The following RPRML variants were observed in gnomAD, a reference collection of about 807,000 sequenced individuals.
The protein encoded by RPRML is reprimo-like protein.
In RPRML, 4 loss-of-function variants were observed where a neutral mutation model predicts 5.2. That is an observed-to-expected ratio of 0.77 (90% confidence interval 0.38 to 1.76). RPRML has a LOEUF of 1.76. Among genes scored for constraint, RPRML ranks in the 40% most tolerant of loss-of-function variants. The probability of loss-of-function intolerance (pLI) is 0.04; values close to 1 mark genes in which losing one functional copy is unlikely to be tolerated. For synonymous variants in RPRML, 79 were observed against 89.1 expected (o/e 0.89, Z 0.64); for missense variants, 181 against 177.7 (o/e 1.02, Z -0.11).
chr17:46,979,094 C>T lies in RPRML; in HGVS notation c.-87G>A. 8.0e-7 allele frequency: 1 copy of T among 1,244,388 alleles called. No homozygotes were observed. Among genetic ancestry groups the T allele is most frequent in the East Asian group, 3.3e-5 (1 of 30,750 alleles). 77.1% of individuals were successfully genotyped at this position (1,244,388 alleles called of 1,614,324 possible). ...TCCGCGCTCTCAGGGACGCTCCGGA[C>T]CCCTCGGACCGGCTCCTGCGGTACG... On this transcript the variant is annotated 5_prime_UTR_variant, in exon 1 of 1. Transcript: ENST00000322329.
chr17:46,978,826 C>G lies in RPRML; in HGVS notation c.182G>C (p.Ser61Thr). 2.5e-6 allele frequency: 4 copies of G among 1,607,530 alleles called. No individual in the cohort carries two copies. The highest frequency in any genetic ancestry group is 3.4e-6 in the Non-Finnish European group (4 of 1,177,796). ...CTGCGCCACCCGCGACACCCACAGG[C>G]TGCGCTCGTCGGGCGCCAGCCCCGC... Reference protein sequence around the residue: ...VPAGLAPDERSLWVSRVAQIA... With the variant: ...VPAGLAPDERTLWVSRVAQIA... Residue 61 changes from serine to threonine, a missense_variant, in exon 1 of 1, where the codon AGC becomes ACC. Transcript: ENST00000322329.
chr17:46,979,181 A>G lies in RPRML; in HGVS notation c.-174T>C, dbSNP rs1325114101. The G allele has an allele frequency of 1.6e-6, 1 of 637,622 alleles. No individual in the cohort carries two copies. The highest frequency in any genetic ancestry group is 2.3e-6 in the Non-Finnish European group (1 of 428,536). The allele number at this position is 637,622 out of a possible 1,614,324, so 39.5% of individuals were successfully genotyped here. On this transcript the variant is annotated 5_prime_UTR_variant, in exon 1 of 1. Transcript: ENST00000322329. Reference sequence around the variant, plus strand: ...GCTCTCGGGCCGCCTACCCCTGGGCACCGGGCGGGAAGCGACCGCCCGGAG... The same window carrying G: ...GCTCTCGGGCCGCCTACCCCTGGGCGCCGGGCGGGAAGCGACCGCCCGGAG...
At position 46,978,490 on chromosome 17, in the gene RPRML, C is replaced by A; in HGVS notation, c.*155G>T. 2 of 848,430 alleles carry A rather than the reference C, an allele frequency of 2.4e-6. No homozygotes were observed. The highest frequency in any genetic ancestry group is 1.7e-6 in the Non-Finnish European group (1 of 577,624). 52.6% of individuals were successfully genotyped at this position (848,430 alleles called of 1,614,324 possible). A position where few individuals can be genotyped will look rare whatever the true frequency, so the allele number is the denominator to read the frequency against. On this transcript the variant is annotated 3_prime_UTR_variant, in exon 1 of 1. Transcript: ENST00000322329. ...CCGGGCGTCCAAGTCCCTTCCCGCG[C>A]CCCCGCCGACAGTCTCGCCGCGTCC...
Position 46,979,197 on chromosome 17 carries a change from C to T in RPRML, c.-190G>A. On this transcript the variant is annotated 5_prime_UTR_variant, in exon 1 of 1. Transcript: ENST00000322329. ...CCCCTGGGCACCGGGCGGGAAGCGA[C>T]CGCCCGGAGGAGCGAGCAACAGGCG... is the stretch of plus-strand genomic sequence containing the variant. The T allele has an allele frequency of 2.0e-6, 1 of 499,274 alleles. No individual in the cohort carries two copies. The highest frequency in any genetic ancestry group is 3.3e-6 in the Non-Finnish European group (1 of 301,638). The allele number at this position is 499,274 out of a possible 1,614,324, so 30.9% of individuals were successfully genotyped here. A position where few individuals can be genotyped will look rare whatever the true frequency, so the allele number is the denominator to read the frequency against.
rs2091467258 is a variant in RPRML, at chr17:46,978,805, G to A, written c.203C>T (p.Ala68Val). Residue 68 changes from alanine (A) to valine (V), a missense_variant, in exon 1 of 1, where the codon GCG (alanine) becomes GTG (valine). By Grantham distance (64) the Ala-to-Val change is moderately conservative. Coordinates refer to ENST00000322329, the MANE Select transcript of RPRML (RefSeq NM_203400.5). The part of the protein sequence containing the change: ...DERSLWVSRV[A>V]QIAVLCVLSL... ...CAGCACGCAGAGCACGGCGATCTGC[G>A]CCACCCGCGACACCCACAGGCTGCG... 1.9e-6 allele frequency: 3 copies of A among 1,610,808 alleles called. No homozygotes were observed. Among genetic ancestry groups the A allele is most frequent in the Admixed American group, 3.3e-5 (2 of 59,902 alleles).
Position 46,978,298 on chromosome 17 carries a change from G to A in RPRML, c.*347C>T, listed in dbSNP as rs1347213402. 10 of 323,642 alleles carry A rather than the reference G, an allele frequency of 3.1e-5. No homozygotes were observed. The highest frequency in any genetic ancestry group is 5.0e-5 in the Non-Finnish European group (9 of 178,362). 20.0% of individuals were successfully genotyped at this position (323,642 alleles called of 1,614,324 possible). On this transcript the variant is annotated 3_prime_UTR_variant, in exon 1 of 1. Transcript: ENST00000322329. Reference sequence around the variant, plus strand: ...GTGTTCCGAACCCACCCGCACCAACGTACACACAAAACTCCCACGCGAGCG... The same window carrying A: ...GTGTTCCGAACCCACCCGCACCAACATACACACAAAACTCCCACGCGAGCG...
rs899354167 is a variant in RPRML, at chr17:46,978,188, T to A, written c.*457A>T. On this transcript the variant is annotated 3_prime_UTR_variant, in exon 1 of 1. Transcript: ENST00000322329. ...CTGCCTGAAGCCCTACGGCTGCAGTTTTATTACAAGATTTCTTTCCAAACG... is the reference window on the plus strand; with the variant it reads ...CTGCCTGAAGCCCTACGGCTGCAGTATTATTACAAGATTTCTTTCCAAACG... 9 of 178,840 alleles carry A rather than the reference T, an allele frequency of 5.0e-5. No individual in the cohort carries two copies. The highest frequency in any genetic ancestry group is 2.3e-5 in the Non-Finnish European group (2 of 87,494). 11.1% of individuals were successfully genotyped at this position (178,840 alleles called of 1,614,324 possible).
chr17:46,978,884 C>G lies in RPRML; in HGVS notation c.124G>C (p.Gly42Arg). The G allele has an allele frequency of 1.3e-6, 2 of 1,543,518 alleles. No individual in the cohort carries two copies. The highest frequency in any genetic ancestry group is 2.4e-5 in the East Asian group (1 of 41,296). Residue 42 changes from glycine (G) to arginine (R), a missense_variant, in exon 1 of 1, where the codon GGC (glycine) becomes CGC (arginine). Transcript: ENST00000322329. Reference protein sequence around the residue: ...LGTWLGCCPGGAPLAASDGVP... With the variant: ...LGTWLGCCPGRAPLAASDGVP... Reference sequence around the variant, plus strand: ...CCGTCGCTGGCGGCCAGCGGTGCGCCCCCTGGACAGCAGCCCAGCCACGTG... The same window carrying G: ...CCGTCGCTGGCGGCCAGCGGTGCGCGCCCTGGACAGCAGCCCAGCCACGTG...
Position 46,978,386 on chromosome 17 carries a change from A to C in RPRML, c.*259T>G, listed in dbSNP as rs1455121896. 5.2e-6 allele frequency: 2 copies of C among 385,470 alleles called. No individual in the cohort carries two copies. The highest frequency in any genetic ancestry group is 7.0e-5 in the African/African-American group (2 of 28,618). 23.9% of individuals were successfully genotyped at this position (385,470 alleles called of 1,614,324 possible). A position where few individuals can be genotyped will look rare whatever the true frequency, so the allele number is the denominator to read the frequency against. On this transcript the variant is annotated 3_prime_UTR_variant, in exon 1 of 1. Transcript: ENST00000322329. ...CCCTGCCCCGAACGTCTTAAAAAAC[A>C]AACAAACAAAAAAAACTGGTAAGAA...
In RPRML at chr17:46,979,015, C is replaced by G; in HGVS notation, c.-8G>C. 1 of 1,399,138 alleles carries G rather than the reference C, an allele frequency of 7.1e-7. No individual in the cohort carries two copies. The highest frequency in any genetic ancestry group is 1.6e-5 in the South Asian group (1 of 63,574). The allele number at this position is 1,399,138 out of a possible 1,614,324, so 86.7% of individuals were successfully genotyped here. A position where few individuals can be genotyped will look rare whatever the true frequency, so the allele number is the denominator to read the frequency against. On this transcript the variant is annotated 5_prime_UTR_variant, in exon 1 of 1. Transcript: ENST00000322329. ...CAGGAAGGTCGCGTTCATCGCCGCG[C>G]GGCGCCGGGGGTCTCGGCGCGCAGT...
Position 46,979,203 on chromosome 17 carries a change from G to A in RPRML, c.-196C>T, listed in dbSNP as rs374420356. The A allele has an allele frequency of 2.1e-6, 1 of 469,532 alleles. No individual in the cohort carries two copies. The highest frequency in any genetic ancestry group is 3.6e-6 in the Non-Finnish European group (1 of 275,578). The allele number at this position is 469,532 out of a possible 1,614,324, so 29.1% of individuals were successfully genotyped here. Reference sequence around the variant, plus strand: ...GGCACCGGGCGGGAAGCGACCGCCCGGAGGAGCGAGCAACAGGCGGCGCAG... The same window carrying A: ...GGCACCGGGCGGGAAGCGACCGCCCAGAGGAGCGAGCAACAGGCGGCGCAG... On this transcript the variant is annotated 5_prime_UTR_variant, in exon 1 of 1. Coordinates refer to ENST00000322329, the MANE Select transcript of RPRML (RefSeq NM_203400.5).
rs2091463703 is a variant in RPRML at position 46,978,457 on chromosome 17, G to A, written c.*188C>T. The A allele has an allele frequency of 3.2e-6, 2 of 615,484 alleles. No homozygotes were observed. Among genetic ancestry groups the A allele is most frequent in the Admixed American group, 3.3e-5 (1 of 29,880 alleles). The allele number at this position is 615,484 out of a possible 1,614,324, so 38.1% of individuals were successfully genotyped here. On this transcript the variant is annotated 3_prime_UTR_variant, in exon 1 of 1. Transcript: ENST00000322329. ...ACCCCGCAACGCTGCAGCGCACACAGGACAGAGCCGGGCGTCCAAGTCCCT... is the reference window on the plus strand; with the variant it reads ...ACCCCGCAACGCTGCAGCGCACACAAGACAGAGCCGGGCGTCCAAGTCCCT...
rs2091465683 is a variant in RPRML, at chr17:46,978,659, G to A, written c.349C>T (p.Leu117=). Residue 117 remains leucine (L), a synonymous_variant, in exon 1 of 1, where the codon CTG becomes TTG. Coordinates refer to ENST00000322329, the MANE Select transcript of RPRML (RefSeq NM_203400.5). ...CCAGATGGCGCTCAGTACAGCCCCA[G>A]GATGGCTGCGCCCACGTCCTTGGAG... is the stretch of plus-strand genomic sequence containing the variant. ...RPSKDVGAAI[L]GLY is the part of the protein sequence containing the mutation. The A allele has an allele frequency of 6.2e-7, 1 of 1,607,036 alleles. No individual in the cohort carries two copies. Among genetic ancestry groups the A allele is most frequent in the Non-Finnish European group, 8.5e-7 (1 of 1,177,504 alleles).
rs2091464106 is a variant in RPRML, at chr17:46,978,514, C to A, written c.*131G>T. On this transcript the variant is annotated 3_prime_UTR_variant, in exon 1 of 1. Transcript: ENST00000322329. Reference sequence around the variant, plus strand: ...GCCCCCGCCGACAGTCTCGCCGCGTCCCCGCCCGGGCGCCCCAGGCACGTA... The same window carrying A: ...GCCCCCGCCGACAGTCTCGCCGCGTACCCGCCCGGGCGCCCCAGGCACGTA... 1.3e-5 allele frequency: 15 copies of A among 1,133,876 alleles called. No individual in the cohort carries two copies. Among genetic ancestry groups the A allele is most frequent in the Non-Finnish European group, 1.8e-5 (15 of 830,932 alleles). 70.2% of individuals were successfully genotyped at this position (1,133,876 alleles called of 1,614,324 possible).
In RPRML at chr17:46,978,393, C is replaced by CAAAA. The variant is rs3048484; in HGVS notation, c.*248_*251dup. ...CCGAACGTCTTAAAAAACAAACAAA[C>CAAAA]AAAAAAAACTGGTAAGAACCCTCAC... is the stretch of plus-strand genomic sequence containing the variant. On this transcript the variant is annotated 3_prime_UTR_variant, in exon 1 of 1. Coordinates refer to ENST00000322329, the MANE Select transcript of RPRML (RefSeq NM_203400.5). 173 of 438,350 alleles carry CAAAA rather than the reference C, an allele frequency of 3.9e-4. No individual in the cohort carries two copies. Among genetic ancestry groups the CAAAA allele is most frequent in the Middle Eastern group, 1.2e-3 (2 of 1,728 alleles). 27.2% of individuals were successfully genotyped at this position (438,350 alleles called of 1,614,324 possible).
rs2091463141 is a variant in RPRML, at chr17:46,978,404, G to A, written c.*241C>T. ...AAAAAACAAACAAACAAAAAAAACT[G>A]GTAAGAACCCTCACCCCACATTCTC... On this transcript the variant is annotated 3_prime_UTR_variant, in exon 1 of 1. Transcript: ENST00000322329. 1 of 471,860 alleles carries A rather than the reference G, an allele frequency of 2.1e-6. No homozygotes were observed. Among genetic ancestry groups the A allele is most frequent in the Non-Finnish European group, 3.6e-6 (1 of 275,286 alleles). 29.2% of individuals were successfully genotyped at this position (471,860 alleles called of 1,614,324 possible). A position where few individuals can be genotyped will look rare whatever the true frequency, so the allele number is the denominator to read the frequency against.
Position 46,978,490 on chromosome 17 carries a change from C to T in RPRML, c.*155G>A. The T allele has an allele frequency of 4.7e-6, 4 of 848,430 alleles. No homozygotes were observed. Among genetic ancestry groups the T allele is most frequent in the Non-Finnish European group, 6.9e-6 (4 of 577,624 alleles). 52.6% of individuals were successfully genotyped at this position (848,430 alleles called of 1,614,324 possible). On this transcript the variant is annotated 3_prime_UTR_variant, in exon 1 of 1. Coordinates refer to ENST00000322329, the MANE Select transcript of RPRML (RefSeq NM_203400.5). Reference sequence around the variant, plus strand: ...CCGGGCGTCCAAGTCCCTTCCCGCGCCCCCGCCGACAGTCTCGCCGCGTCC... The same window carrying T: ...CCGGGCGTCCAAGTCCCTTCCCGCGTCCCCGCCGACAGTCTCGCCGCGTCC...
Position 46,978,453 on chromosome 17 carries a change from C to G in RPRML, c.*192G>C, listed in dbSNP as rs2091463650. 6.7e-6 allele frequency: 4 copies of G among 593,306 alleles called. No homozygotes were observed. Among genetic ancestry groups the G allele is most frequent in the African/African-American group, 2.0e-5 (1 of 50,110 alleles). The allele number at this position is 593,306 out of a possible 1,614,324, so 36.8% of individuals were successfully genotyped here. ...TCCCACCCCGCAACGCTGCAGCGCA[C>G]ACAGGACAGAGCCGGGCGTCCAAGT... On this transcript the variant is annotated 3_prime_UTR_variant, in exon 1 of 1. Transcript: ENST00000322329.
rs1030419213 is a variant in RPRML, at chr17:46,978,462, G to C, written c.*183C>G. The C allele has an allele frequency of 8.0e-6, 5 of 628,456 alleles. No homozygotes were observed. The highest frequency in any genetic ancestry group is 2.0e-5 in the African/African-American group (1 of 50,698). The allele number at this position is 628,456 out of a possible 1,614,324, so 38.9% of individuals were successfully genotyped here. ...GCAACGCTGCAGCGCACACAGGACA[G>C]AGCCGGGCGTCCAAGTCCCTTCCCG... is the stretch of plus-strand genomic sequence containing the variant. On this transcript the variant is annotated 3_prime_UTR_variant, in exon 1 of 1. Coordinates refer to ENST00000322329, the MANE Select transcript of RPRML (RefSeq NM_203400.5).
Sources: gnomAD v4.1 joint callset for allele counts on GRCh38, gnomAD v4.1.1 for gene constraint, MANE v1.5 for transcripts, NCBI Gene and HGNC (gene_info 2026-07-23, HGNC 2026-07-21) for gene names.